The following RPS6KA2 variants were observed in gnomAD, a reference collection of about 807,000 sequenced individuals.
RPS6KA2 encodes ribosomal protein S6 kinase alpha-2.
Under a neutral mutation model 91.8 loss-of-function variants are expected in RPS6KA2, and 42 were observed. That is an observed-to-expected ratio of 0.46 (90% confidence interval 0.36 to 0.59). The LOEUF (loss-of-function observed/expected upper bound fraction) is 0.59. RPS6KA2 is among the 20% of genes least tolerant of loss of function. The pLI, the probability that RPS6KA2 is intolerant of heterozygous loss-of-function variation, is 0.00. For synonymous variants in RPS6KA2, 414 were observed against 393.6 expected, an observed-to-expected ratio of 1.05 and a Z score of -0.61; for missense variants, 798 against 978.5, an observed-to-expected ratio of 0.82 and a Z score of 2.46.
chr6:166,690,891 G>C (rs1273895683), intron 2 of RPS6KA2, among the ~76,000 whole-genome samples: 3 of 152,064 alleles, frequency 2.0e-5, no homozygotes, highest in Non-Finnish European at 4.4e-5. Flanking sequence ...GGTGTTTACA[G>C]GGCTTACTCT....
At chr6:166,484,772 C>T (rs143246896) in intron 10 of RPS6KA2, among the ~76,000 whole-genome samples, 250 of 152,198 alleles carry the variant, frequency 1.6e-3, no homozygotes, top group African/African-American at 5.3e-3. Context: ...AGAATGAAAC[C>T]GTGATTTGGA....
Position 166,804,274 on chromosome 6 carries a change from TGTAGGCATTATATAGA to T in RPS6KA2, c.123+53910_123+53925del, listed in dbSNP as rs563344999. Among the ~76,000 whole-genome samples, 152 of 151,790 alleles carry T rather than the reference TGTAGGCATTATATAGA, an allele frequency of 1.0e-3. 1 individual carries two copies. In the East Asian group the frequency reaches 0.016, roughly 16 times the overall value. ...CATAAAAATAAAGTTCAATGAGAGG[TGTAGGCATTATATAGA>T]GCATTATATATTTATCTGTATATGT... On this transcript the variant is annotated intron_variant, in intron 2 of 21. Transcript: ENST00000503859.
chr6:166,438,865 A>G (rs996319602), intron 14 of RPS6KA2, among the ~76,000 whole-genome samples: 2 of 152,234 alleles, frequency 1.3e-5, no homozygotes, highest in African/African-American at 4.8e-5. Context: ...TCCCTGGAGC[A>G]GGTTTGTGTT....
chr6:166,660,248 C>T (rs1788122117), intron 2 of RPS6KA2, among the ~76,000 whole-genome samples: 1 of 151,990 alleles, frequency 6.6e-6, no homozygotes, highest in South Asian at 2.1e-4. Flanking sequence ...GTAATCAGTG[C>T]TATTGTTCTG....
rs575933891 is a variant in RPS6KA2 at position 166,424,783 on chromosome 6, G to A, written c.1582-1366C>T. On this transcript the variant is annotated intron_variant, in intron 16 of 20. Coordinates refer to ENST00000265678, the MANE Select transcript of RPS6KA2 (RefSeq NM_021135.6). The stretch of plus-strand genomic sequence containing the variant: ...CCCTGCCTCAGCGTCCCTGCGCTCC[G>A]GTTAATGAATTCTTTACCCGTTGCA... Among the ~76,000 whole-genome samples the A allele has an allele frequency of 1.7e-4, 26 of 152,296 alleles. No individual in the cohort carries two copies. In the South Asian group the frequency reaches 2.1e-3, roughly 12 times the overall value.
Position 166,741,559 on chromosome 6 carries a change from G to A in RPS6KA2, c.123+116641C>T, listed in dbSNP as rs574329664. On this transcript the variant is annotated intron_variant, in intron 2 of 21. Transcript: ENST00000503859. ...TAACAGCCTCTAATTACAGACCAACGGATTGAATTAGGATCATTAGAGCCC... is the reference window on the plus strand; with the variant it reads ...TAACAGCCTCTAATTACAGACCAACAGATTGAATTAGGATCATTAGAGCCC... 5.3e-5 allele frequency among the ~76,000 whole-genome samples: 8 copies of A among 152,316 alleles called. No individual in the cohort carries two copies. In the South Asian group the frequency reaches 1.2e-3, roughly 24 times the overall value.
At chr6:166,688,707 G>A (rs775247636) in intron 2 of RPS6KA2, among the ~76,000 whole-genome samples, 24 of 152,244 alleles carry the variant, frequency 1.6e-4, no homozygotes, top group Non-Finnish European at 2.8e-4. Flanking sequence ...AACCGCAGTT[G>A]TGCTTAGGGG....
In RPS6KA2 at chr6:166,433,212, C is replaced by T. The variant is rs1044031572; in HGVS notation, c.1333-722G>A. On this transcript the variant is annotated intron_variant, in intron 14 of 20. Coordinates refer to ENST00000265678, the MANE Select transcript of RPS6KA2 (RefSeq NM_021135.6). This position sits in a 1 kb window ranked among gnomAD's most constrained non-coding sequence, Gnocchi z 4.4. Reference sequence around the variant, plus strand: ...AAACCAGCCACAAAATGAGGTGAGGCGCATGGCTCTCACCAAGAGATGCTG... The same window carrying T: ...AAACCAGCCACAAAATGAGGTGAGGTGCATGGCTCTCACCAAGAGATGCTG... Among the ~76,000 whole-genome samples, 6 of 152,254 alleles carry T rather than the reference C, an allele frequency of 3.9e-5. No individual in the cohort carries two copies. Among genetic ancestry groups the T allele is most frequent in the African/African-American group, 1.2e-4 (5 of 41,552 alleles).
chr6:166,690,664 C>T (rs766369777), intron 2 of RPS6KA2, among the ~76,000 whole-genome samples: 8 of 152,170 alleles, frequency 5.3e-5, no homozygotes, highest in Admixed American at 1.3e-4. Flanking sequence ...CAGGAGGGGA[C>T]GGGGGCTCAG....
In RPS6KA2 at chr6:166,849,878, C is replaced by T. The variant is rs1323687689; in HGVS notation, c.123+8322G>A. 1.3e-5 allele frequency among the ~76,000 whole-genome samples: 2 copies of T among 152,208 alleles called. No homozygotes were observed. Among genetic ancestry groups the T allele is most frequent in the African/African-American group, 2.4e-5 (1 of 41,460 alleles). Reference sequence around the variant, plus strand: ...TCTACATAAGACAGAAGTGAGACACCGGGTTCAGGGACCAGGGGCACTCAT... The same window carrying T: ...TCTACATAAGACAGAAGTGAGACACTGGGTTCAGGGACCAGGGGCACTCAT... On this transcript the variant is annotated intron_variant, in intron 2 of 21. Coordinates refer to the RPS6KA2 transcript ENST00000503859. The surrounding 1 kb of genome is among the most constrained non-coding windows in gnomAD (Gnocchi z 4.9).
At chr6:166,464,987 T>TAAAA (rs1182691875) in intron 11 of RPS6KA2, among the ~76,000 whole-genome samples, 1 of 122,036 alleles carries the variant, frequency 8.2e-6, no homozygotes, top group African/African-American at 3.6e-5. Flanking sequence ...GGTGTTTACT[T>TAAAA]AAAAAAATAA....
intron 3 of RPS6KA2, among the ~76,000 whole-genome samples, chr6:166,515,036 G>C (rs187026223): frequency 2.6e-5 from 4 of 152,288 alleles, no homozygotes; most frequent in Non-Finnish European, 2.9e-5. Flanking sequence ...AGCCAAGGGT[G>C]CCCAAGGACC....
chr6:166,827,139 C>T (rs1780066578), intron 2 of RPS6KA2, among the ~76,000 whole-genome samples: 1 of 151,646 alleles, frequency 6.6e-6, no homozygotes, highest in Non-Finnish European at 1.5e-5. Context: ...TTAAGAAAAC[C>T]TTGACAAATA....
At chr6:166,439,357 C>T (rs922969792) in intron 14 of RPS6KA2, among the ~76,000 whole-genome samples, 2 of 152,254 alleles carry the variant, frequency 1.3e-5, no homozygotes, top group Non-Finnish European at 2.9e-5. Flanking sequence ...ATCCAACTGC[C>T]TTGGCCTTTC....
rs994786771 is a variant in RPS6KA2 at position 166,557,344 on chromosome 6, T to G, written c.100-18560A>C. 2.0e-5 allele frequency among the ~76,000 whole-genome samples: 3 copies of G among 152,206 alleles called. No homozygotes were observed. The highest frequency in any genetic ancestry group is 7.2e-5 in the African/African-American group (3 of 41,458). On this transcript the variant is annotated intron_variant, in intron 1 of 20. Transcript: ENST00000265678. This position sits in a 1 kb window ranked among gnomAD's most constrained non-coding sequence, Gnocchi z 4.8. ...AAAACCTAAATCGACATAAACACGG[T>G]CCTGGCCACCACGTCCCCCACAGAC...
Position 166,425,562 on chromosome 6 carries a change from C to T in RPS6KA2, c.1582-2145G>A, listed in dbSNP as rs569801171. Among the ~76,000 whole-genome samples the T allele has an allele frequency of 1.1e-4, 17 of 152,194 alleles. No homozygotes were observed. The South Asian group carries it at 2.5e-3, about 22-fold the overall frequency. ...TGCTGTATTCAGGAAACGCATCTCACGTGCAGAGACACACATAGGCTCAAA... is the reference window on the plus strand; with the variant it reads ...TGCTGTATTCAGGAAACGCATCTCATGTGCAGAGACACACATAGGCTCAAA... On this transcript the variant is annotated intron_variant, in intron 16 of 20. Coordinates refer to ENST00000265678, the MANE Select transcript of RPS6KA2 (RefSeq NM_021135.6).
At chr6:166,800,463 T>A (rs938198327) in intron 2 of RPS6KA2, among the ~76,000 whole-genome samples, 1 of 152,146 alleles carries the variant, frequency 6.6e-6, no homozygotes, top group African/African-American at 2.4e-5. Context: ...CATTAAGAAG[T>A]GACTAAGTCA....
intron 2 of RPS6KA2, among the ~76,000 whole-genome samples, chr6:166,741,066 C>CA (rs1274250989): frequency 2.0e-5 from 3 of 152,244 alleles, no homozygotes; most frequent in Non-Finnish European, 4.4e-5. Context: ...TGCAGGCGCT[C>CA]ATCCAAAGGG....
In RPS6KA2 at chr6:166,682,461, G is replaced by A. The variant is rs562587175; in HGVS notation, c.124-143677C>T. On this transcript the variant is annotated intron_variant, in intron 2 of 21. Transcript: ENST00000503859. ...GTGGGGTCCGGTGTGGGCAGCACAG[G>A]GGAAGCATAGAGAGGGTGAGACAGC... Among the ~76,000 whole-genome samples, 3 of 152,194 alleles carry A rather than the reference G, an allele frequency of 2.0e-5. No homozygotes were observed. In the East Asian group the frequency reaches 5.8e-4, roughly 29 times the overall value.
Sources: allele counts gnomAD v4.1 joint callset (sites outside exome capture counted in the v4.1 genomes callset), GRCh38; gene constraint gnomAD v4.1.1; non-coding constraint Gnocchi (gnomAD v3.1); transcripts MANE v1.5; gene names NCBI Gene and HGNC (gene_info 2026-07-23, HGNC 2026-07-21).